FUBP1: variants seen among roughly 807,000 people sequenced by gnomAD.
FUBP1 encodes far upstream element-binding protein 1.
In FUBP1, 16 loss-of-function variants were observed where a neutral mutation model predicts 94.9. The observed-to-expected ratio is 0.17, with a 90% CI of 0.11 to 0.26. The LOEUF (loss-of-function observed/expected upper bound fraction) is 0.26. Ranked by LOEUF, FUBP1 falls within the 10% of genes least tolerant of loss-of-function variation. The pLI is 1.00. For missense variants in FUBP1, 583 were observed against 808.6 expected (o/e 0.72, Z 3.38); for synonymous variants, 279 against 254.9 (o/e 1.09, Z -0.90).
rs770193235 is a variant in FUBP1 at position 77,962,902 on chromosome 1, C to T, written c.1212G>A (p.Gln404=). The change falls in exon 14 of 20, where the codon CAG becomes CAA. Residue 404 remains glutamine, a synonymous_variant. Coordinates refer to ENST00000370768, the MANE Select transcript of FUBP1 (RefSeq NM_003902.5). ...KGGETIKSIS[Q]QSGARIELQR... ...GAAGTTCTATTCTTGCACCAGACTGCTGGCTTATGCTTTTTATGGTTTCAC... is the reference window on the plus strand; with the variant it reads ...GAAGTTCTATTCTTGCACCAGACTGTTGGCTTATGCTTTTTATGGTTTCAC... The T allele has an allele frequency of 1.2e-6, 2 of 1,612,774 alleles. No homozygotes were observed. The highest frequency in any genetic ancestry group is 8.5e-7 in the Non-Finnish European group (1 of 1,179,108).
intron 12 of FUBP1, 63 bp from the exon 13 acceptor site, chr1:77,963,778 A>C: frequency 7.2e-7 from 1 of 1,383,180 alleles, no homozygotes; most frequent in Non-Finnish European, 1.0e-6. Context: ...TCATGATAAA[A>C]TTATTAAGTT....
At chr1:77,959,505 G>A (rs1246194554) in intron 16 of FUBP1, among the ~76,000 whole-genome samples, 1 of 151,962 alleles carries the variant, frequency 6.6e-6, no homozygotes, top group East Asian at 1.9e-4. Context: ...TTAACACTCT[G>A]TTGGACTGTT....
Position 77,966,716 on chromosome 1 carries a change from T to C in FUBP1, c.451A>G (p.Thr151Ala). The C allele has an allele frequency of 6.4e-7, 1 of 1,568,230 alleles. No homozygotes were observed. Among genetic ancestry groups the C allele is most frequent in the Non-Finnish European group, 8.8e-7 (1 of 1,138,342 alleles). ...GGLPERSCML[T>A]GTPESVQSAK... ...TACTGGACAGATTCAGGTGTTCCAG[T>C]TAACATACAGGACCTTTCTGGAAGG... The change falls in exon 7 of 20, where the codon ACT becomes GCT. Residue 151 changes from threonine to alanine, a missense_variant. By Grantham distance (58) the Thr-to-Ala change is moderately conservative. Coordinates refer to ENST00000370768, the MANE Select transcript of FUBP1 (RefSeq NM_003902.5).
chr1:77,971,983 C>T (rs1417454689), intron 1 of FUBP1, among the ~76,000 whole-genome samples: 2 of 133,444 alleles, frequency 1.5e-5, no homozygotes, highest in Admixed American at 8.4e-5. Flanking sequence ...CCAGCCTGGG[C>T]AACGGCATGA....
At chr1:77,969,874 T>C (rs1657192168) in intron 2 of FUBP1, 51 bp downstream of exon 2, 1 of 777,026 alleles carries the variant, frequency 1.3e-6, no homozygotes, top group East Asian at 2.6e-5. Context: ...CGAGAATCAC[T>C]TCAACTAAAC....
chr1:77,964,294 T>G lies in FUBP1; in HGVS notation c.900A>C (p.Lys300Asn), dbSNP rs766015310. ...VIGRNGEMIKKIQNDAGVRIQ... is the reference protein window; with the variant it reads ...VIGRNGEMIKNIQNDAGVRIQ... ...TGCGAACACCAGCATCATTTTGTATTTTTTTGATCATCTCTCCATTTCTTC... is the reference window on the plus strand; with the variant it reads ...TGCGAACACCAGCATCATTTTGTATGTTTTTGATCATCTCTCCATTTCTTC... Residue 300 changes from lysine (K) to asparagine (N), a missense_variant, in exon 11 of 20, where the codon AAA becomes AAC. Transcript: ENST00000370768. 6.2e-7 allele frequency: 1 copy of G among 1,609,938 alleles called. No homozygotes were observed. Among genetic ancestry groups the G allele is most frequent in the Non-Finnish European group, 8.5e-7 (1 of 1,178,964 alleles).
intron 7 of FUBP1, 130 bp downstream of exon 7, chr1:77,966,564 T>A (rs989392382): frequency 4.8e-6 from 3 of 626,928 alleles, no homozygotes; most frequent in South Asian, 4.0e-5. Context: ...TTCAAAGGAG[T>A]TGGAGGACTT....
intron 3 of FUBP1, 50 bp downstream of exon 3, chr1:77,968,115 C>T (rs368713968): frequency 2.5e-6 from 3 of 1,184,110 alleles, no homozygotes; most frequent in Admixed American, 5.2e-5. Flanking sequence ...AAAATCTTAA[C>T]ATTGAAATTG....
intron 1 of FUBP1, among the ~76,000 whole-genome samples, chr1:77,978,310 A>G (rs542470233): frequency 4.1e-4 from 62 of 152,186 alleles, no homozygotes; most frequent in Non-Finnish European, 7.6e-4. Context: ...GGCCATTTTG[A>G]GAAATAAGGG....
chr1:77,977,019 T>C lies in FUBP1; in HGVS notation c.120+1866A>G, dbSNP rs371566856. Among the ~76,000 whole-genome samples, 11 of 152,302 alleles carry C rather than the reference T, an allele frequency of 7.2e-5. No individual in the cohort carries two copies. In the East Asian group the frequency reaches 2.1e-3, roughly 29 times the overall value. On this transcript the variant is annotated intron_variant, in intron 1 of 19. Transcript: ENST00000370768. ...TATAATGTCTTGCTCATATATCACCTTTACTTAGGAAATTGGGCATCCCCT... is the reference window on the plus strand; with the variant it reads ...TATAATGTCTTGCTCATATATCACCCTTACTTAGGAAATTGGGCATCCCCT...
chr1:77,948,405 G>A lies in FUBP1; in HGVS notation c.*361C>T, dbSNP rs1056572679. The A allele has an allele frequency of 9.3e-7, 1 of 1,080,424 alleles. No homozygotes were observed. Among genetic ancestry groups the A allele is most frequent in the Non-Finnish European group, 1.1e-6 (1 of 886,174 alleles). The allele number at this position is 1,080,424 out of a possible 1,614,324, so 66.9% of individuals were successfully genotyped here. Reference sequence around the variant, plus strand: ...CCACATATCCAACTTACCGACACAGGAGGTTTCATATCATTTATTGTAAAG... The same window carrying A: ...CCACATATCCAACTTACCGACACAGAAGGTTTCATATCATTTATTGTAAAG... On this transcript the variant is annotated 3_prime_UTR_variant, in exon 20 of 20. Coordinates refer to ENST00000370768, the MANE Select transcript of FUBP1 (RefSeq NM_003902.5).
rs1652532093 is a variant in FUBP1, at chr1:77,947,979, A to T, written c.*787T>A. 1 of 1,023,800 alleles carries T rather than the reference A, an allele frequency of 9.8e-7. No individual in the cohort carries two copies. Among genetic ancestry groups the T allele is most frequent in the South Asian group, 4.3e-5 (1 of 23,056 alleles). The allele number at this position is 1,023,800 out of a possible 1,614,324, so 63.4% of individuals were successfully genotyped here. On this transcript the variant is annotated 3_prime_UTR_variant, in exon 20 of 20. Transcript: ENST00000370768. ...TAGACTACTCATATTCACTATCTGAAAACTGTTTAAAATTAGTTATGCCGA... is the reference window on the plus strand; with the variant it reads ...TAGACTACTCATATTCACTATCTGATAACTGTTTAAAATTAGTTATGCCGA...
rs186513081 is a variant in FUBP1, at chr1:77,951,718, G to C, written c.1781-2418C>G. Among the ~76,000 whole-genome samples, 421 of 152,228 alleles carry C rather than the reference G, an allele frequency of 2.8e-3. 2 individuals carry two copies. The highest frequency in any genetic ancestry group is 9.8e-3 in the African/African-American group (405 of 41,524). On this transcript the variant is annotated intron_variant, in intron 18 of 19. Coordinates refer to ENST00000370768, the MANE Select transcript of FUBP1 (RefSeq NM_003902.5). The stretch of plus-strand genomic sequence containing the variant: ...TTATAATTATAATGTATAAAGTTTA[G>C]CCTTAAATTTCTTTCATCCCAAAGA...
intron 1 of FUBP1, among the ~76,000 whole-genome samples, chr1:77,976,999 T>C (rs746764194): frequency 2.6e-5 from 4 of 152,206 alleles, no homozygotes; most frequent in Non-Finnish European, 5.9e-5. Context: ...CATTTTATAA[T>C]GTCTTGCTCA....
Position 77,949,443 on chromosome 1 carries a change from A to T in FUBP1, c.1781-143T>A, listed in dbSNP as rs951889252. On this transcript the variant is annotated intron_variant, in intron 18 of 19. Transcript: ENST00000370768. ...TGTTTGCCCTTGTTGACCAAAAAAAAAAACCCCTAAACTTTAATATAAAAT... is the reference window on the plus strand; with the variant it reads ...TGTTTGCCCTTGTTGACCAAAAAAATAAACCCCTAAACTTTAATATAAAAT... The T allele has an allele frequency of 4.9e-6, 3 of 614,298 alleles. No homozygotes were observed. In the Admixed American group the frequency reaches 8.9e-5, roughly 18 times the overall value. 38.1% of individuals were successfully genotyped at this position (614,298 alleles called of 1,614,324 possible). A position where few individuals can be genotyped will look rare whatever the true frequency, so the allele number is the denominator to read the frequency against.
chr1:77,976,936 TCCCCAC>T (rs1658708553), intron 1 of FUBP1, among the ~76,000 whole-genome samples: 1 of 152,144 alleles, frequency 6.6e-6, no homozygotes, highest in African/African-American at 2.4e-5. Context: ...TTCCCTCAAG[TCCCCAC>T]ACCTCTGCGC....
rs1652721486 is a variant in FUBP1, at chr1:77,948,719, T to A, written c.*47A>T. On this transcript the variant is annotated 3_prime_UTR_variant, in exon 20 of 20. Coordinates refer to ENST00000370768, the MANE Select transcript of FUBP1 (RefSeq NM_003902.5). Reference sequence around the variant, plus strand: ...CTGCATCCATATATTTAACAAAGGTTTTTTTCCCCCACACAATGAAGCAAA... The same window carrying A: ...CTGCATCCATATATTTAACAAAGGTATTTTTCCCCCACACAATGAAGCAAA... 1 of 1,592,762 alleles carries A rather than the reference T, an allele frequency of 6.3e-7. No homozygotes were observed.
Position 77,947,629 on chromosome 1 carries a change from G to T in FUBP1, c.*1137C>A. On this transcript the variant is annotated 3_prime_UTR_variant, in exon 20 of 20. Transcript: ENST00000370768. ...TAATATGCAAAGAGCCAACAAATAT[G>T]CAAAGAGTAAAACAATGGATTTCAA... The T allele has an allele frequency of 1.1e-6, 1 of 890,990 alleles. No individual in the cohort carries two copies. The highest frequency in any genetic ancestry group is 1.7e-6 in the Non-Finnish European group (1 of 605,986). 55.2% of individuals were successfully genotyped at this position (890,990 alleles called of 1,614,324 possible).
intron 14 of FUBP1, 23 bp downstream of exon 14, chr1:77,962,747 T>G (rs550409158): frequency 6.4e-7 from 1 of 1,565,890 alleles, no homozygotes; most frequent in Non-Finnish European, 8.8e-7. Context: ...ACACTAAAAA[T>G]TAAAAGTTTA....
Sources: gnomAD v4.1 joint callset for allele counts (sites outside exome capture counted in the v4.1 genomes callset) on GRCh38, gnomAD v4.1.1 for gene constraint, MANE v1.5 for transcripts, NCBI Gene and HGNC (gene_info 2026-07-23, HGNC 2026-07-21) for gene names.